Variants in RBFOX1 observed in about 807,000 individuals in gnomAD.
RBFOX1 encodes RNA binding protein fox-1 homolog 1.
RBFOX1 carries 8 observed loss-of-function variants against 57.7 expected under a neutral mutation model. The observed-to-expected ratio is 0.14, with a 90% confidence interval of 0.08 to 0.25. The LOEUF is 0.25. Among genes scored for constraint, RBFOX1 ranks in the 10% least tolerant of loss-of-function variants. The pLI is 1.00. For missense variants in RBFOX1, 611 were observed against 548.5 expected (o/e 1.11, Z -1.14); for synonymous variants, 326 against 222.4 (o/e 1.47, Z -4.15).
intron 1 of RBFOX1, among the ~76,000 whole-genome samples, chr16:5,307,606 A>T (rs556003811): frequency 1.3e-5 from 2 of 152,110 alleles, no homozygotes; most frequent in Non-Finnish European, 2.9e-5. Context: ...TCTCACACAC[A>T]CCGGGAATTG....
intron 4 of RBFOX1, among the ~76,000 whole-genome samples, chr16:7,424,275 T>TG (rs2098583224): frequency 7.4e-6 from 1 of 134,492 alleles, no homozygotes; most frequent in Admixed American, 7.2e-5. Flanking sequence ...TACATATATA[T>TG]GGGGGTGGGG....
chr16:7,149,432 A>G (rs1408427360), intron 4 of RBFOX1, among the ~76,000 whole-genome samples: 1 of 150,550 alleles, frequency 6.6e-6, no homozygotes, highest in Non-Finnish European at 1.5e-5. Flanking sequence ...ACTGTCTTTC[A>G]TGGATTGGTG....
chr16:5,846,751 C>G (rs764500235), intron 3 of RBFOX1, among the ~76,000 whole-genome samples: 4 of 152,202 alleles, frequency 2.6e-5, no homozygotes, highest in Non-Finnish European at 4.4e-5. Context: ...ACTTCACAGT[C>G]TTTGCATGAT....
At chr16:5,821,903 G>C (rs1013430729) in intron 3 of RBFOX1, among the ~76,000 whole-genome samples, 1 of 152,150 alleles carries the variant, frequency 6.6e-6, no homozygotes, top group African/African-American at 2.4e-5. Flanking sequence ...AGCCTTCATG[G>C]CCTGATCACC....
At chr16:5,452,825 G>A (rs931183625) in intron 1 of RBFOX1, among the ~76,000 whole-genome samples, 6 of 151,938 alleles carry the variant, frequency 3.9e-5, no homozygotes, top group African/African-American at 1.2e-4. Flanking sequence ...TGTATTTTTA[G>A]TAGGGACGGG....
At chr16:6,893,083 A>C (rs1167792661) in intron 3 of RBFOX1, among the ~76,000 whole-genome samples, 1 of 152,062 alleles carries the variant, frequency 6.6e-6, no homozygotes, top group African/African-American at 2.4e-5. Context: ...AAGACTGCCC[A>C]CCTCACCTGA....
At chr16:6,402,295 A>G (rs2093104937) in intron 2 of RBFOX1, among the ~76,000 whole-genome samples, 1 of 152,202 alleles carries the variant, frequency 6.6e-6, no homozygotes, top group Non-Finnish European at 1.5e-5. Context: ...CTTCCTATGT[A>G]GAGGCGACCA....
At chr16:6,907,248 G>A (rs181544086) in intron 3 of RBFOX1, among the ~76,000 whole-genome samples, 13 of 152,214 alleles carry the variant, frequency 8.5e-5, no homozygotes, top group African/African-American at 2.6e-4. Context: ...GATGGCCCCC[G>A]AAGCAAAGCG....
chr16:5,360,304 T>TAG (rs939656374), intron 1 of RBFOX1, among the ~76,000 whole-genome samples: 12 of 152,324 alleles, frequency 7.9e-5, no homozygotes, highest in Admixed American at 7.8e-4. Flanking sequence ...AGATCAGCTC[T>TAG]AGAGACTCCA....
intron 3 of RBFOX1, among the ~76,000 whole-genome samples, chr16:6,732,310 G>T (rs947267884): frequency 6.6e-6 from 1 of 152,168 alleles, no homozygotes; most frequent in Non-Finnish European, 1.5e-5. Context: ...CACCGTCTCG[G>T]CCCCAGGCTC....
At chr16:5,283,720 G>T (rs1236988629) in intron 1 of RBFOX1, among the ~76,000 whole-genome samples, 1 of 151,470 alleles carries the variant, frequency 6.6e-6, no homozygotes, top group Non-Finnish European at 1.5e-5. Flanking sequence ...TGTTTACCCA[G>T]TGCCTATACC....
At chr16:7,640,590 C>G (rs1181378875) in intron 11 of RBFOX1, among the ~76,000 whole-genome samples, 5 of 152,196 alleles carry the variant, frequency 3.3e-5, no homozygotes, top group Non-Finnish European at 1.5e-5. Context: ...CCAATGCATA[C>G]ACAGCCAGAG....
chr16:5,863,236 A>G (rs1026423962), intron 3 of RBFOX1, among the ~76,000 whole-genome samples: 2 of 152,140 alleles, frequency 1.3e-5, no homozygotes, highest in Non-Finnish European at 2.9e-5. Flanking sequence ...ACCGAAGGAG[A>G]GGAAGGGAAA....
chr16:7,380,464 G>A (rs1428651430), intron 4 of RBFOX1, among the ~76,000 whole-genome samples: 2 of 152,050 alleles, frequency 1.3e-5, no homozygotes, highest in African/African-American at 4.8e-5. Context: ...TTCAATGTTG[G>A]CACATATAAA....
intron 4 of RBFOX1, among the ~76,000 whole-genome samples, chr16:5,913,683 C>G (rs1333366772): frequency 1.3e-5 from 2 of 152,212 alleles, no homozygotes; most frequent in African/African-American, 4.8e-5. Context: ...CAATGCAAAA[C>G]AGGCTAACAC....
intron 2 of RBFOX1, among the ~76,000 whole-genome samples, chr16:6,639,475 G>T (rs1380129012): frequency 1.3e-5 from 2 of 152,044 alleles, no homozygotes; most frequent in Admixed American, 6.6e-5. Flanking sequence ...GTAATGACCC[G>T]GAGGAATTAA....
intron 4 of RBFOX1, among the ~76,000 whole-genome samples, chr16:6,002,023 G>C (rs770968388): frequency 8.7e-6 from 1 of 114,906 alleles, no homozygotes; most frequent in Non-Finnish European, 1.8e-5. Context: ...CTGGAGTGCC[G>C]TGGCATGATT....
chr16:7,065,053 G>T (rs1443577411), intron 4 of RBFOX1, among the ~76,000 whole-genome samples: 2 of 152,230 alleles, frequency 1.3e-5, no homozygotes, highest in Non-Finnish European at 2.9e-5. Context: ...GAAAGGAACA[G>T]ATGAGTATGT....
chr16:5,479,029 A>G (rs1233130875), intron 2 of RBFOX1, among the ~76,000 whole-genome samples: 1 of 152,088 alleles, frequency 6.6e-6, no homozygotes, highest in Non-Finnish European at 1.5e-5. Flanking sequence ...ATTTCCTCAC[A>G]AATTATCTTA....
Sources: allele counts gnomAD v4.1 joint callset (sites outside exome capture counted in the v4.1 genomes callset), GRCh38; gene constraint gnomAD v4.1.1; transcripts MANE v1.5; gene names NCBI Gene and HGNC (gene_info 2026-07-23, HGNC 2026-07-21).